DCP1A: variants seen among roughly 807,000 people sequenced by gnomAD.
DCP1A encodes mRNA-decapping enzyme 1A.
A neutral mutation model predicts 58.0 loss-of-function variants in DCP1A; 20 were observed. The observed-to-expected ratio is 0.34, with a 90% confidence interval of 0.24 to 0.50. The LOEUF (loss-of-function observed/expected upper bound fraction) is 0.50. Among genes scored for constraint, DCP1A ranks in the 20% least tolerant of loss-of-function variants. DCP1A has a pLI of 0.98. For missense variants in DCP1A, 613 were observed against 712.2 expected, an observed-to-expected ratio of 0.86 and a Z score of 1.59; for synonymous variants, 285 against 275.1, an observed-to-expected ratio of 1.04 and a Z score of -0.36.
At chr3:53,333,305 T>A (rs1553691540) in intron 3 of DCP1A, among the ~76,000 whole-genome samples, 1 of 151,512 alleles carries the variant, frequency 6.6e-6, no homozygotes, top group African/African-American at 2.4e-5. Flanking sequence ...CATGCCTGGC[T>A]AATTTTTTTT....
intron 3 of DCP1A, among the ~76,000 whole-genome samples, chr3:53,339,549 A>G (rs1302232232): frequency 6.6e-6 from 1 of 152,200 alleles, no homozygotes; most frequent in Non-Finnish European, 1.5e-5. Context: ...GATTTTCAGA[A>G]AATAAAACCT....
intron 3 of DCP1A, among the ~76,000 whole-genome samples, chr3:53,330,622 G>GA (rs1317485756): frequency 2.0e-5 from 3 of 151,448 alleles, no homozygotes; most frequent in African/African-American, 7.3e-5. Flanking sequence ...AATTTTCTAA[G>GA]AAAATATAAT....
intron 3 of DCP1A, among the ~76,000 whole-genome samples, chr3:53,321,686 T>G (rs1466722124): frequency 1.3e-5 from 2 of 152,216 alleles, no homozygotes; most frequent in Non-Finnish European, 2.9e-5. Flanking sequence ...ACCACTGCAC[T>G]GCAGCCTGGG....
At chr3:53,324,099 A>G (rs1553690331) in intron 3 of DCP1A, among the ~76,000 whole-genome samples, 1 of 152,208 alleles carries the variant, frequency 6.6e-6, no homozygotes, top group Non-Finnish European at 1.5e-5. Flanking sequence ...ATACAATATA[A>G]TTTAGAAATA....
rs35716152 is a variant in DCP1A at position 53,287,342 on chromosome 3, CTTTTTTTTTTTTTTTT to C, written c.*222_*237del. 3.0e-4 allele frequency: 50 copies of C among 166,736 alleles called. 1 individual carries two copies. The highest frequency in any genetic ancestry group is 4.9e-4 in the Non-Finnish European group (47 of 95,640). The allele number at this position is 166,736 out of a possible 1,614,324, so 10.3% of individuals were successfully genotyped here. A position where few individuals can be genotyped will look rare whatever the true frequency, so the allele number is the denominator to read the frequency against. Reference sequence around the variant, plus strand: ...CATAACTTAACACAATGATCGCTCTCTTTTTTTTTTTTTTTTTTTTTTTTTTTGTCAAAACAAGGAT... The same window carrying C: ...CATAACTTAACACAATGATCGCTCTCTTTTTTTTTTTGTCAAAACAAGGAT... On this transcript the variant is annotated 3_prime_UTR_variant, in exon 10 of 10. Transcript: ENST00000610213.
chr3:53,323,922 A>G (rs1186471965), intron 3 of DCP1A, among the ~76,000 whole-genome samples: 1 of 152,008 alleles, frequency 6.6e-6, no homozygotes, highest in African/African-American at 2.4e-5. Flanking sequence ...AGAGGAACAC[A>G]CAATTTTTTC....
At chr3:53,346,447 T>C (rs923896493) in intron 1 of DCP1A, among the ~76,000 whole-genome samples, 5 of 152,250 alleles carry the variant, frequency 3.3e-5, no homozygotes, top group African/African-American at 1.2e-4. Flanking sequence ...TCGTATCTTA[T>C]TGAAATGTGA....
intron 3 of DCP1A, among the ~76,000 whole-genome samples, chr3:53,333,435 C>A (rs1553691560): frequency 2.6e-5 from 4 of 152,034 alleles, no homozygotes; most frequent in Non-Finnish European, 2.9e-5. Context: ...TGAGCCACTG[C>A]GCCTGGCCAG....
chr3:53,314,667 C>CTTT (rs1167830951), intron 4 of DCP1A, among the ~76,000 whole-genome samples: 11,220 of 86,568 alleles, frequency 0.13, 913 homozygotes, highest in Non-Finnish European at 0.16. Context: ...TTTTCTTTTT[C>CTTT]TTTTTTTTTT....
chr3:53,335,128 TA>T (rs782584132), intron 3 of DCP1A, among the ~76,000 whole-genome samples: 59 of 149,622 alleles, frequency 3.9e-4, no homozygotes, highest in Non-Finnish European at 4.1e-4. Context: ...TATATATATA[TA>T]TTTTTTTTAT....
At chr3:53,316,315 G>C (rs1204014291) in intron 4 of DCP1A, among the ~76,000 whole-genome samples, 1 of 152,110 alleles carries the variant, frequency 6.6e-6, no homozygotes, top group Admixed American at 6.5e-5. Flanking sequence ...CTTTAGTTTT[G>C]GTGACCAGAG....
chr3:53,299,427 G>A lies in DCP1A; in HGVS notation c.624+4750C>T, dbSNP rs148754199. Among the ~76,000 whole-genome samples, 576 of 152,238 alleles carry A rather than the reference G, an allele frequency of 3.8e-3. 5 individuals are homozygous for A. The highest frequency in any genetic ancestry group is 6.7e-3 in the Admixed American group (103 of 15,288). Reference sequence around the variant, plus strand: ...TTTAGCTCAGGAAATGGCATTCAGCGAGCAACAGCATGTACAGCACAGGAC... The same window carrying A: ...TTTAGCTCAGGAAATGGCATTCAGCAAGCAACAGCATGTACAGCACAGGAC... On this transcript the variant is annotated intron_variant, in intron 6 of 9. Transcript: ENST00000610213.
chr3:53,323,443 T>C (rs1708027103), intron 3 of DCP1A, among the ~76,000 whole-genome samples: 1 of 152,248 alleles, frequency 6.6e-6, no homozygotes, highest in African/African-American at 2.4e-5. Context: ...ACTACCTTTC[T>C]TGAAATATGC....
At position 53,292,552 on chromosome 3, in the gene DCP1A, T is replaced by G. The variant is rs1553686250; in HGVS notation, c.900A>C (p.Thr300=). The change falls in exon 7 of 10, where the codon ACA becomes ACC. Residue 300 remains threonine, a synonymous_variant. Transcript: ENST00000610213. ...TPVLITPASI[T]QSNEKHAPTY... is the part of the protein sequence containing the mutation. Reference sequence around the variant, plus strand: ...TTGGAGCATGCTTTTCATTGGACTGTGTGATGGAGGCTGGAGTGATTAGCA... The same window carrying G: ...TTGGAGCATGCTTTTCATTGGACTGGGTGATGGAGGCTGGAGTGATTAGCA... 1 of 1,613,896 alleles carries G rather than the reference T, an allele frequency of 6.2e-7. No homozygotes were observed. The highest frequency in any genetic ancestry group is 2.2e-5 in the East Asian group (1 of 44,862).
At chr3:53,321,778 T>C (rs1707974833) in intron 3 of DCP1A, among the ~76,000 whole-genome samples, 1 of 152,202 alleles carries the variant, frequency 6.6e-6, no homozygotes, top group South Asian at 2.1e-4. Flanking sequence ...AGACCAGTTA[T>C]CTTGTCACTA....
chr3:53,308,896 T>C (rs939873421), intron 5 of DCP1A, among the ~76,000 whole-genome samples: 1 of 152,168 alleles, frequency 6.6e-6, no homozygotes, highest in Non-Finnish European at 1.5e-5. Context: ...TCACTGTGTC[T>C]GGCCTCTATT....
intron 5 of DCP1A, among the ~76,000 whole-genome samples, chr3:53,309,460 A>G (rs1454920760): frequency 6.6e-6 from 1 of 152,096 alleles, no homozygotes; most frequent in Non-Finnish European, 1.5e-5. Flanking sequence ...CAGATTTTTA[A>G]TTTTCAAACA....
intron 6 of DCP1A, among the ~76,000 whole-genome samples, chr3:53,303,310 A>C (rs1246415499): frequency 1.3e-5 from 2 of 152,024 alleles, no homozygotes; most frequent in Non-Finnish European, 2.9e-5. Flanking sequence ...TCTGTTGCTC[A>C]GACTGGAGTG....
At chr3:53,296,835 C>T (rs2106806156) in intron 6 of DCP1A, among the ~76,000 whole-genome samples, 1 of 152,318 alleles carries the variant, frequency 6.6e-6, no homozygotes, top group African/African-American at 2.4e-5. Context: ...AATACTGCTG[C>T]TATAAAGACT....
Sources: allele counts gnomAD v4.1 joint callset (sites outside exome capture counted in the v4.1 genomes callset), GRCh38; gene constraint gnomAD v4.1.1; transcripts MANE v1.5; gene names NCBI Gene and HGNC (gene_info 2026-07-23, HGNC 2026-07-21).